Variants in SLC4A4 observed in about 807,000 individuals in gnomAD.
The protein encoded by SLC4A4 is solute carrier family 4 member 4, also known as electrogenic sodium bicarbonate cotransporter 1.
In SLC4A4, 27 loss-of-function variants were observed where a neutral mutation model predicts 111.5. The ratio of observed to expected loss-of-function variants is 0.24; its 90% CI spans 0.18 to 0.33. SLC4A4 has a LOEUF of 0.33. Ranked by LOEUF, SLC4A4 falls within the 10% of genes least tolerant of loss-of-function variation. SLC4A4 has a pLI of 1.00. For synonymous variants in SLC4A4, 443 were observed against 463.4 expected (o/e 0.96, Z 0.57); for missense variants, 909 against 1,315.5 (o/e 0.69, Z 4.78).
In SLC4A4 at chr4:71,339,087, C is replaced by T; in HGVS notation, c.254-283C>T. 4 of 1,584,972 alleles carry T rather than the reference C, an allele frequency of 2.5e-6. No individual in the cohort carries two copies. In the South Asian group the frequency reaches 3.5e-5, roughly 14 times the overall value. On this transcript the variant is annotated intron_variant, in intron 3 of 25. Coordinates refer to ENST00000264485, the MANE Select transcript of SLC4A4 (RefSeq NM_001098484.3). ...AGTGAGTGGTTAGACCTCAGCTCAT[C>T]TGAGGGCTAAAGGTTCTTTGTGACA...
intron 13 of SLC4A4, among the ~76,000 whole-genome samples, chr4:71,466,903 G>A (rs774744418): frequency 4.0e-5 from 6 of 149,028 alleles, no homozygotes; most frequent in African/African-American, 7.3e-5. Flanking sequence ...TCTTGGGTTT[G>A]GCTAATGGGG....
chr4:71,297,374 T>A (rs922579474), intron 3 of SLC4A4, among the ~76,000 whole-genome samples: 2 of 152,130 alleles, frequency 1.3e-5, no homozygotes, highest in Admixed American at 1.3e-4. Context: ...ATCATACATC[T>A]TCTCTGCAAA....
chr4:71,247,568 T>G (rs955560196), intron 2 of SLC4A4, among the ~76,000 whole-genome samples: 3 of 152,180 alleles, frequency 2.0e-5, no homozygotes, highest in Non-Finnish European at 2.9e-5. Context: ...TGTGTCTCTC[T>G]AAGCTGCCTC....
intron 1 of SLC4A4, among the ~76,000 whole-genome samples, chr4:71,087,788 A>G (rs1327664196): frequency 1.3e-5 from 2 of 151,166 alleles, no homozygotes; most frequent in Non-Finnish European, 2.9e-5. Flanking sequence ...TATAATTTCT[A>G]CTCTTTTACA....
At chr4:71,107,377 A>G (rs1009810188) in intron 2 of SLC4A4, among the ~76,000 whole-genome samples, 4 of 151,652 alleles carry the variant, frequency 2.6e-5, no homozygotes, top group African/African-American at 7.3e-5. Flanking sequence ...GATGGAGTCT[A>G]GCTCTGTCAA....
At chr4:71,458,896 A>G (rs755402842) in intron 12 of SLC4A4, among the ~76,000 whole-genome samples, 13 of 151,940 alleles carry the variant, frequency 8.6e-5, no homozygotes, top group Admixed American at 2.6e-4. Flanking sequence ...GTGAAAATAT[A>G]AGGTGACGTT....
chr4:71,537,433 G>A (rs1032951100), intron 18 of SLC4A4, among the ~76,000 whole-genome samples: 1 of 142,688 alleles, frequency 7.0e-6, no homozygotes, highest in African/African-American at 2.6e-5. Flanking sequence ...ACATATATGT[G>A]TGTGTGTGTG....
intron 2 of SLC4A4, among the ~76,000 whole-genome samples, chr4:71,095,867 G>T (rs868181225): frequency 6.6e-6 from 1 of 152,184 alleles, no homozygotes; most frequent in South Asian, 2.1e-4. Flanking sequence ...CTCTGGAAGG[G>T]ATATGTAGTC....
intron 1 of SLC4A4, among the ~76,000 whole-genome samples, chr4:71,213,538 G>C (rs1334093807): frequency 6.6e-6 from 1 of 152,098 alleles, no homozygotes; most frequent in Non-Finnish European, 1.5e-5. Context: ...CATTTCTGTG[G>C]CTGTCATTAT....
At chr4:71,476,015 G>C (rs568072094) in intron 14 of SLC4A4, among the ~76,000 whole-genome samples, 13 of 151,848 alleles carry the variant, frequency 8.6e-5, no homozygotes, top group African/African-American at 3.1e-4. Flanking sequence ...CCTCTTATTG[G>C]TACTCATGAA....
intron 2 of SLC4A4, among the ~76,000 whole-genome samples, chr4:71,136,690 A>C (rs1334431726): frequency 6.6e-6 from 1 of 152,174 alleles, no homozygotes; most frequent in African/African-American, 2.4e-5. Context: ...AATCTCTTGG[A>C]TTCTCAGTTT....
chr4:71,214,393 T>C (rs1273032789), intron 1 of SLC4A4, among the ~76,000 whole-genome samples: 1 of 152,126 alleles, frequency 6.6e-6, no homozygotes, highest in Admixed American at 6.5e-5. Flanking sequence ...ATCAAGAAAG[T>C]TGGTGATCTC....
chr4:71,147,959 A>G (rs1469812392), intron 2 of SLC4A4, among the ~76,000 whole-genome samples: 1 of 152,166 alleles, frequency 6.6e-6, no homozygotes, highest in East Asian at 1.9e-4. Flanking sequence ...GGGCCTGACC[A>G]GTGAGCAAGA....
chr4:71,076,230 T>G (rs182077687), intron 1 of SLC4A4, among the ~76,000 whole-genome samples: 122 of 152,188 alleles, frequency 8.0e-4, no homozygotes, highest in African/African-American at 2.8e-3. Context: ...AAGCAGATGC[T>G]TGAAGAATAT....
At chr4:71,461,457 T>C (rs1726816329) in intron 12 of SLC4A4, among the ~76,000 whole-genome samples, 1 of 152,140 alleles carries the variant, frequency 6.6e-6, no homozygotes, top group Non-Finnish European at 1.5e-5. Flanking sequence ...AAAAGTCACT[T>C]TTTAGTGTTA....
intron 3 of SLC4A4, among the ~76,000 whole-genome samples, chr4:71,268,929 C>T (rs1438675316): frequency 6.6e-6 from 1 of 152,204 alleles, no homozygotes; most frequent in Admixed American, 6.5e-5. Context: ...AGCTTTCATA[C>T]ACAGAACCCT....
chr4:71,406,645 C>CTTTT lies in SLC4A4; in HGVS notation c.807+9005_807+9008dup, dbSNP rs58765854. ...CTGAACTGAAATGAAAACAATGATT[C>CTTTT]TTTTTTTTTTTTTTTTGCCACCATG... On this transcript the variant is annotated intron_variant, in intron 7 of 25. Transcript: ENST00000264485. Among the ~76,000 whole-genome samples, 117 of 140,256 alleles carry CTTTT rather than the reference C, an allele frequency of 8.3e-4. 2 individuals carry two copies. The highest frequency in any genetic ancestry group is 2.2e-3 in the Admixed American group (31 of 14,072). 92.0% of individuals were successfully genotyped at this position (140,256 alleles called of 152,430 possible). A position where few individuals can be genotyped will look rare whatever the true frequency, so the allele number is the denominator to read the frequency against.
Position 71,386,018 on chromosome 4 carries a change from T to C in SLC4A4, c.731-11559T>C, listed in dbSNP as rs77786243. Among the ~76,000 whole-genome samples the C allele has an allele frequency of 2.2e-3, 339 of 152,128 alleles. 2 individuals are homozygous for C. Among genetic ancestry groups the C allele is most frequent in the African/African-American group, 7.8e-3 (324 of 41,556 alleles). ...TAAGGTTAAAATTTTTTGGAGTTTT[T>C]TTTTTTGGCCCCAGCTTTTCTATAT... On this transcript the variant is annotated intron_variant, in intron 6 of 25. Transcript: ENST00000264485.
At chr4:71,542,248 G>T (rs1179540046) in intron 18 of SLC4A4, among the ~76,000 whole-genome samples, 1 of 152,036 alleles carries the variant, frequency 6.6e-6, no homozygotes, top group Non-Finnish European at 1.5e-5. Flanking sequence ...CTTTGACCTT[G>T]TTCTCCATAA....
Sources: allele counts gnomAD v4.1 joint callset (sites outside exome capture counted in the v4.1 genomes callset), GRCh38; gene constraint gnomAD v4.1.1; transcripts MANE v1.5; gene names NCBI Gene and HGNC (gene_info 2026-07-23, HGNC 2026-07-21).